The following SCAF8 variants were observed in gnomAD, a reference collection of about 807,000 sequenced individuals.
The protein encoded by SCAF8 is SR-related and CTD-associated factor 8.
A neutral mutation model predicts 140.5 loss-of-function variants in SCAF8; 23 were observed. The ratio of observed to expected loss-of-function variants is 0.16; its 90% CI spans 0.12 to 0.23. SCAF8 has a LOEUF of 0.23. Ranked by LOEUF, SCAF8 falls within the 10% of genes least tolerant of loss-of-function variation. The pLI, the probability that SCAF8 is intolerant of heterozygous loss-of-function variation, is 1.00. For missense variants in SCAF8, 1,397 were observed against 1,555.7 expected (o/e 0.90, Z 1.72); for synonymous variants, 575 against 528.9 (o/e 1.09, Z -1.20).
intron 1 of SCAF8, among the ~76,000 whole-genome samples, chr6:154,736,615 A>G (rs1778428847): frequency 1.3e-5 from 2 of 152,148 alleles, no homozygotes; most frequent in Non-Finnish European, 2.9e-5. Context: ...ATTAGATGTA[A>G]ACAAGTGGTT....
chr6:154,748,523 A>G (rs1778761545), intron 1 of SCAF8, among the ~76,000 whole-genome samples: 1 of 152,050 alleles, frequency 6.6e-6, no homozygotes, highest in Admixed American at 6.6e-5. Context: ...AATTTTTACC[A>G]TGTTACTTTT....
At chr6:154,799,453 A>G (rs1777705239) in intron 6 of SCAF8, among the ~76,000 whole-genome samples, 1 of 151,282 alleles carries the variant, frequency 6.6e-6, no homozygotes, top group Non-Finnish European at 1.5e-5. Flanking sequence ...TGGTCCTTGT[A>G]TGTTCTCAGT....
At position 154,733,642 on chromosome 6, in the gene SCAF8, G is replaced by A. The variant is rs1446367014; in HGVS notation, c.-259G>A. 3.6e-6 allele frequency: 4 copies of A among 1,108,708 alleles called. No homozygotes were observed. Among genetic ancestry groups the A allele is most frequent in the Admixed American group, 5.2e-5 (1 of 19,336 alleles). The allele number at this position is 1,108,708 out of a possible 1,614,324, so 68.7% of individuals were successfully genotyped here. Reference sequence around the variant, plus strand: ...CCCAGCCCCTCCCCCGCCCGCCGCCGACCCGCCCCGGCAGCGCCTCTGTTC... The same window carrying A: ...CCCAGCCCCTCCCCCGCCCGCCGCCAACCCGCCCCGGCAGCGCCTCTGTTC... On this transcript the variant is annotated 5_prime_UTR_variant, in exon 1 of 20. Transcript: ENST00000367178.
intron 1 of SCAF8, among the ~76,000 whole-genome samples, chr6:154,736,331 C>T (rs796160837): frequency 1.8e-4 from 24 of 134,350 alleles, no homozygotes; most frequent in Admixed American, 1.0e-3. Context: ...AGTGCAATGG[C>T]GAGATCTTGG....
chr6:154,783,536 G>A (rs1352159632), intron 3 of SCAF8, among the ~76,000 whole-genome samples: 2 of 152,088 alleles, frequency 1.3e-5, no homozygotes, highest in Non-Finnish European at 2.9e-5. Flanking sequence ...CTTATTTGTG[G>A]TGATTTTCAA....
At chr6:154,759,229 C>G (rs1312751879) in intron 1 of SCAF8, among the ~76,000 whole-genome samples, 1 of 152,178 alleles carries the variant, frequency 6.6e-6, no homozygotes, top group Non-Finnish European at 1.5e-5. Context: ...TTGGCTGGCA[C>G]TGTAAAGCGT....
Position 154,830,999 on chromosome 6 carries a change from G to A in SCAF8, c.2218G>A (p.Gly740Ser), listed in dbSNP as rs772270307. 5.0e-6 allele frequency: 8 copies of A among 1,613,866 alleles called. No individual in the cohort carries two copies. Among genetic ancestry groups the A allele is most frequent in the East Asian group, 2.2e-5 (1 of 44,878 alleles). The change falls in exon 19 of 20, where the codon GGT (glycine) becomes AGT (serine). Residue 740 changes from glycine to serine, a missense_variant. By Grantham distance (56) the Gly-to-Ser change is moderately conservative. Around this residue, in one of 5 missense-constraint regions of SCAF8, gnomAD observed 930 missense variants for 874.6 expected, o/e 1.06. Transcript: ENST00000367178. ...VGFGSLVIPGGSVASNLATSA... is the reference protein window; with the variant it reads ...VGFGSLVIPGSSVASNLATSA... The stretch of plus-strand genomic sequence containing the variant: ...ATTTGGTAGCCTTGTTATACCAGGC[G>A]GTTCTGTTGCCAGCAATCTTGCTAC...
intron 1 of SCAF8, among the ~76,000 whole-genome samples, chr6:154,743,101 G>A (rs1002834091): frequency 2.0e-5 from 3 of 152,136 alleles, no homozygotes. Context: ...AGGCTGTGCA[G>A]GCATTACTGA....
Position 154,824,337 on chromosome 6 carries a change from C to T in SCAF8, c.2030C>T (p.Pro677Leu). 1 of 1,614,018 alleles carries T rather than the reference C, an allele frequency of 6.2e-7. No individual in the cohort carries two copies. The highest frequency in any genetic ancestry group is 8.5e-7 in the Non-Finnish European group (1 of 1,179,878). The change falls in exon 17 of 20, where the codon CCT becomes CTT. Residue 677 changes from proline to leucine, a missense_variant. By Grantham distance (98) the Pro-to-Leu change is moderately conservative. Transcript: ENST00000367178. ...PPGFSPIPPPPFLRASFNPSQ... is the reference protein window; with the variant it reads ...PPGFSPIPPPLFLRASFNPSQ... ...GGATTCAGTCCAATCCCTCCACCTCCTTTTTTAAGAGCAAGTTTTAACCCT... is the reference window on the plus strand; with the variant it reads ...GGATTCAGTCCAATCCCTCCACCTCTTTTTTTAAGAGCAAGTTTTAACCCT...
At chr6:154,830,713 A>T (rs1778705866) in intron 18 of SCAF8, among the ~76,000 whole-genome samples, 1 of 152,084 alleles carries the variant, frequency 6.6e-6, no homozygotes, top group African/African-American at 2.4e-5. Context: ...ATTTCTGAAA[A>T]TTGTTAGTTT....
intron 3 of SCAF8, among the ~76,000 whole-genome samples, chr6:154,784,155 A>ATATATATATATATTTATTTATT (rs1408182952): frequency 3.3e-5 from 3 of 92,012 alleles, no homozygotes; most frequent in African/African-American, 8.0e-5. Context: ...ATATATATAT[A>ATATATATATATATTTATTTATT]TATTTATTTA....
intron 1 of SCAF8, among the ~76,000 whole-genome samples, chr6:154,736,610 A>T (rs904503283): frequency 3.3e-5 from 5 of 152,180 alleles, no homozygotes; most frequent in Non-Finnish European, 5.9e-5. Flanking sequence ...CAAATATTAG[A>T]TGTAAACAAG....
intron 16 of SCAF8, among the ~76,000 whole-genome samples, chr6:154,822,895 T>C (rs1311867332): frequency 6.6e-6 from 1 of 152,128 alleles, no homozygotes. Flanking sequence ...TTATTCTCAA[T>C]AGTGGTGACA....
At chr6:154,817,059 A>G (rs1778272565) in intron 13 of SCAF8, among the ~76,000 whole-genome samples, 1 of 152,132 alleles carries the variant, frequency 6.6e-6, no homozygotes, top group Non-Finnish European at 1.5e-5. Flanking sequence ...TCAAAACATC[A>G]CTGTCTTTCA....
chr6:154,829,892 C>T (rs373426948), intron 18 of SCAF8, among the ~76,000 whole-genome samples: 5 of 152,226 alleles, frequency 3.3e-5, no homozygotes, highest in South Asian at 2.1e-4. Flanking sequence ...GGCAACCGAG[C>T]GAGAGACTGT....
intron 14 of SCAF8, 63 bp from the exon 15 acceptor site, chr6:154,820,114 T>C (rs930528838): frequency 1.0e-4 from 136 of 1,327,566 alleles, no homozygotes; most frequent in Non-Finnish European, 1.3e-4. Flanking sequence ...TTTTGAACTT[T>C]TTACCTTGTT....
chr6:154,825,102 C>T (rs1451834430), intron 17 of SCAF8: 1 of 152,104 alleles, frequency 6.6e-6, no homozygotes, highest in Admixed American at 6.6e-5. Context: ...TCCATTTTGA[C>T]ATTAGAAATT....
At chr6:154,771,246 G>C (rs1303900281) in intron 1 of SCAF8, among the ~76,000 whole-genome samples, 1 of 152,226 alleles carries the variant, frequency 6.6e-6, no homozygotes, top group Non-Finnish European at 1.5e-5. Context: ...AAAAGAGGGA[G>C]TATTGATCTG....
intron 19 of SCAF8, 115 bp downstream of exon 19, chr6:154,831,255 CT>C (rs376887698): frequency 2.2e-4 from 136 of 620,258 alleles, no homozygotes; most frequent in Non-Finnish European, 2.7e-4. Flanking sequence ...AAATGTCGCA[CT>C]TTTTTTTTAA....
Sources: gnomAD v4.1 joint callset for allele counts (sites outside exome capture counted in the v4.1 genomes callset) on GRCh38, gnomAD v4.1.1 for gene constraint, gnomAD v4.1.1 regional missense constraint, MANE v1.5 for transcripts, NCBI Gene and HGNC (gene_info 2026-07-23, HGNC 2026-07-21) for gene names.